The following PIK3C2G variants were observed in gnomAD, a reference collection of about 807,000 sequenced individuals.
The protein encoded by PIK3C2G is phosphatidylinositol 3-kinase C2 domain-containing subunit gamma.
A neutral mutation model predicts 181.1 loss-of-function variants in PIK3C2G; 168 were observed. The ratio of observed to expected loss-of-function variants is 0.93; its 90% CI spans 0.82 to 1.05. The LOEUF (loss-of-function observed/expected upper bound fraction) is 1.05. Ranked by LOEUF, PIK3C2G falls within the 50% of genes least tolerant of loss-of-function variation. The pLI, the probability that PIK3C2G is intolerant of heterozygous loss-of-function variation, is 0.00. For missense variants in PIK3C2G, 1,869 were observed against 1,732.8 expected (o/e 1.08, Z -1.40); for synonymous variants, 573 against 592.2 (o/e 0.97, Z 0.47).
chr12:18,269,283 TATCTGTTCATATTTTTTATATTTTGCATA>T, intron 1 of PIK3C2G, among the ~76,000 whole-genome samples: 1 of 152,190 alleles, frequency 6.6e-6, no homozygotes, highest in East Asian at 1.9e-4. Context: ...ATTAAGTAGG[TATCTGTTCATATTTTTTATATTTTGCATA>T]ATTAATTCAC....
intron 8 of PIK3C2G, among the ~76,000 whole-genome samples, chr12:18,336,009 G>GAAA (rs376083415): frequency 6.6e-6 from 1 of 151,440 alleles, no homozygotes; most frequent in African/African-American, 2.4e-5. Context: ...ACAGATGAAT[G>GAAA]AAAAAAAACA....
intron 11 of PIK3C2G, among the ~76,000 whole-genome samples, chr12:18,350,074 C>A (rs1940079956): frequency 1.3e-5 from 2 of 151,990 alleles, no homozygotes; most frequent in South Asian, 4.2e-4. Context: ...GAAGGTAGAC[C>A]AGGAGATATT....
At chr12:18,703,841 C>A in the PIK3C2G span, among the ~76,000 whole-genome samples, 1 of 152,054 alleles carries the variant, frequency 6.6e-6, no homozygotes, top group Non-Finnish European at 1.5e-5. Flanking sequence ...GAATCCCAAG[C>A]CTTTTGATTA....
chr12:18,279,269 T>A (rs1270042605), intron 1 of PIK3C2G, among the ~76,000 whole-genome samples: 1 of 152,038 alleles, frequency 6.6e-6, no homozygotes, highest in African/African-American at 2.4e-5. Flanking sequence ...GTGGTAGTAA[T>A]AATATTATAT....
At position 18,598,851 on chromosome 12, in the gene PIK3C2G, G is replaced by A. The variant is rs1215739938; in HGVS notation, c.4087+4282G>A. ...AAGTGGGCGAAGGACATGAACAGAC[G>A]CTTCTCAAAAGAAGACATTTATGCA... On this transcript the variant is annotated intron_variant, in intron 30 of 32. Transcript: ENST00000538779. 6.0e-3 allele frequency among the ~76,000 whole-genome samples: 909 copies of A among 151,572 alleles called. 4 individuals are homozygous for A. The highest frequency in any genetic ancestry group is 0.014 in the Middle Eastern group (4 of 294).
intron 25 of PIK3C2G, among the ~76,000 whole-genome samples, chr12:18,541,947 A>G (rs143699741): frequency 6.6e-6 from 1 of 152,016 alleles, no homozygotes; most frequent in East Asian, 1.9e-4. Flanking sequence ...AGTCAGATAC[A>G]TGGTGGGGAG....
At chr12:18,636,196 T>C (rs1601671) in intron 31 of PIK3C2G, among the ~76,000 whole-genome samples, 1,662 of 152,310 alleles carry the variant, frequency 0.011, 27 homozygotes, top group African/African-American at 0.038. Context: ...TCTTGTCAGC[T>C]GAAAGCAAAC....
chr12:18,672,701 C>A, the PIK3C2G span, among the ~76,000 whole-genome samples: 1 of 152,138 alleles, frequency 6.6e-6, no homozygotes, highest in South Asian at 2.1e-4. Flanking sequence ...ACATGACCAT[C>A]CCAAGGTGAC....
rs1053857783 is a variant in PIK3C2G at position 18,261,519 on chromosome 12, T to C, written c.-137T>C. The C allele has an allele frequency of 3.3e-5, 5 of 152,148 alleles. No homozygotes were observed. The highest frequency in any genetic ancestry group is 1.2e-4 in the African/African-American group (5 of 41,434). 9.4% of individuals were successfully genotyped at this position (152,148 alleles called of 1,614,324 possible). On this transcript the variant is annotated 5_prime_UTR_variant, in exon 1 of 33. Coordinates refer to ENST00000538779, the MANE Select transcript of PIK3C2G (RefSeq NM_001288772.2). Reference sequence around the variant, plus strand: ...AGAAGTGTTTTAGCTTGTGTGAGCGTATTTGACTCTTGAAAAGAAATGAGA... The same window carrying C: ...AGAAGTGTTTTAGCTTGTGTGAGCGCATTTGACTCTTGAAAAGAAATGAGA...
chr12:18,258,297 A>G (rs746501086), upstream of PIK3C2G, among the ~76,000 whole-genome samples: 1 of 152,056 alleles, frequency 6.6e-6, no homozygotes, highest in Non-Finnish European at 1.5e-5. Context: ...TTGTAGTGAA[A>G]ACACTTAAAA....
intron 18 of PIK3C2G, among the ~76,000 whole-genome samples, chr12:18,479,259 G>A (rs1363612839): frequency 2.0e-5 from 3 of 152,032 alleles, no homozygotes; most frequent in Non-Finnish European, 2.9e-5. Flanking sequence ...AAAGATTAAA[G>A]GAAAACAGGG....
intron 31 of PIK3C2G, among the ~76,000 whole-genome samples, chr12:18,626,484 C>T (rs763954289): frequency 4.6e-5 from 7 of 151,842 alleles, no homozygotes; most frequent in South Asian, 4.1e-4. Flanking sequence ...GAATGTTGTT[C>T]GGTATTATTT....
the PIK3C2G span, chr12:18,695,102 C>A: frequency 6.2e-7 from 1 of 1,602,342 alleles, no homozygotes; most frequent in Non-Finnish European, 8.5e-7. Flanking sequence ...AGTATTTTGA[C>A]ATTGTCAGGT....
At chr12:18,323,441 AAGT>A (rs1472987326) in intron 7 of PIK3C2G, among the ~76,000 whole-genome samples, 1 of 152,146 alleles carries the variant, frequency 6.6e-6, no homozygotes, top group Admixed American at 6.5e-5. Flanking sequence ...GACTAAAACC[AAGT>A]ATCTAACTCT....
chr12:18,694,023 A>G, the PIK3C2G span: 6 of 1,467,732 alleles, frequency 4.1e-6, no homozygotes, highest in Non-Finnish European at 5.7e-6. Flanking sequence ...AAAGTAACAA[A>G]TGAAGACTTC....
At chr12:18,599,310 A>G (rs1368035234) in intron 30 of PIK3C2G, among the ~76,000 whole-genome samples, 3 of 151,912 alleles carry the variant, frequency 2.0e-5, no homozygotes, top group African/African-American at 7.2e-5. Context: ...ATGGAATACT[A>G]TGCAGCCATA....
At chr12:18,688,340 T>C in the PIK3C2G span, 1 of 999,660 alleles carries the variant, frequency 1.0e-6, no homozygotes, top group South Asian at 1.8e-5. Flanking sequence ...CCACAAACAT[T>C]GAAAGTGGAA....
intron 30 of PIK3C2G, among the ~76,000 whole-genome samples, chr12:18,603,473 C>T (rs1947840344): frequency 6.6e-6 from 1 of 152,126 alleles, no homozygotes; most frequent in Non-Finnish European, 1.5e-5. Context: ...AGCAAAACTT[C>T]CCCAGCCTTG....
At chr12:18,491,321 C>A (rs1940548721) in intron 19 of PIK3C2G, 130 bp from the exon 20 acceptor site, 5 of 590,186 alleles carry the variant, frequency 8.5e-6, no homozygotes, top group Non-Finnish European at 1.5e-5. Context: ...ACCTGCCTGA[C>A]CCCAAAGTCA....
Sources: gnomAD v4.1 joint callset for allele counts (sites outside exome capture counted in the v4.1 genomes callset) on GRCh38, gnomAD v4.1.1 for gene constraint, MANE v1.5 for transcripts, NCBI Gene and HGNC (gene_info 2026-07-23, HGNC 2026-07-21) for gene names.